ALDH16A1: variants seen among roughly 807,000 people sequenced by gnomAD.
ALDH16A1 encodes the protein aldehyde dehydrogenase family 16 member A1.
ALDH16A1 carries 88 observed loss-of-function variants against 96.1 expected under a neutral mutation model. The observed-to-expected ratio is 0.92, with a 90% CI of 0.77 to 1.09. The LOEUF (loss-of-function observed/expected upper bound fraction) is 1.09. Ranked by LOEUF, ALDH16A1 falls within the 50% of genes least tolerant of loss-of-function variation. The pLI, the probability that ALDH16A1 is intolerant of heterozygous loss-of-function variation, is 0.00. For missense variants in ALDH16A1, 1,250 were observed against 1,112.6 expected, an observed-to-expected ratio of 1.12 and a Z score of -1.76; for synonymous variants, 522 against 496.4, an observed-to-expected ratio of 1.05 and a Z score of -0.69.
In ALDH16A1 at chr19:49,455,926, T is replaced by C. The variant is rs17272840; in HGVS notation, c.90+2505T>C. ...GTGAAATGCTGGACAATTGATTCCA[T>C]GTAAACATCCGGGAGGTCCTCTTGA... On this transcript the variant is annotated intron_variant, in intron 1 of 16. Coordinates refer to ENST00000293350, the MANE Select transcript of ALDH16A1 (RefSeq NM_153329.4). 6.1e-3 allele frequency among the ~76,000 whole-genome samples: 922 copies of C among 152,268 alleles called. 3 individuals carry two copies. Among genetic ancestry groups the C allele is most frequent in the Admixed American group, 0.01 (156 of 15,288 alleles).
chr19:49,455,293 G>A (rs1313716250), intron 1 of ALDH16A1, among the ~76,000 whole-genome samples: 1 of 151,768 alleles, frequency 6.6e-6, no homozygotes. Context: ...GCAGGCACCT[G>A]TAATCCCAGC....
chr19:49,468,141 C>G lies in ALDH16A1; in HGVS notation c.1939-240C>G, dbSNP rs944083730. Among the ~76,000 whole-genome samples the G allele has an allele frequency of 3.6e-5, 5 of 138,784 alleles. No individual in the cohort carries two copies. Among genetic ancestry groups the G allele is most frequent in the Non-Finnish European group, 7.6e-5 (5 of 66,074 alleles). The allele number at this position is 138,784 out of a possible 152,430, so 91.0% of individuals were successfully genotyped here. ...CACCACTGCACTCTAGCCAGGGCGA[C>G]AGAGTGAGAGTCCGTCTCAAAAAAA... On this transcript the variant is annotated intron_variant, in intron 14 of 16. Transcript: ENST00000293350. The surrounding 1 kb of genome is among the most constrained non-coding windows in gnomAD (Gnocchi z 4.4).
In ALDH16A1 at chr19:49,468,623, G is replaced by C. The variant is rs1170707585; in HGVS notation, c.2124+57G>C. ...CCGTAGCCTCAGGGCAGCAGAAAAA[G>C]GCGCCCCAAAGTCGGCAGGAGCTTG... On this transcript the variant is annotated intron_variant, in intron 15 of 16. Transcript: ENST00000293350. The surrounding 1 kb of genome is among the most constrained non-coding windows in gnomAD (Gnocchi z 4.4). 1 of 1,574,632 alleles carries C rather than the reference G, an allele frequency of 6.4e-7. No homozygotes were observed. The highest frequency in any genetic ancestry group is 1.1e-5 in the South Asian group (1 of 88,992).
rs1353924596 is a variant in ALDH16A1, at chr19:49,464,246, G to A, written c.1314G>A (p.Ala438=). 12 of 1,602,306 alleles carry A rather than the reference G, an allele frequency of 7.5e-6. No homozygotes were observed. Among genetic ancestry groups the A allele is most frequent in the African/African-American group, 4.0e-5 (3 of 74,876 alleles). ...ASVWSERLGQ[A]LELGYGLQVG... ...TGTGGAGCGAGAGGCTGGGGCAGGC[G>A]CTGGAGCTGGGCTATGGGTCAGTCT... The change falls in exon 10 of 17, where the codon GCG becomes GCA. Residue 438 remains alanine (A), a synonymous_variant. Coordinates refer to ENST00000293350, the MANE Select transcript of ALDH16A1 (RefSeq NM_153329.4).
chr19:49,467,071 G>A (rs2079205145), intron 14 of ALDH16A1, among the ~76,000 whole-genome samples: 1 of 152,186 alleles, frequency 6.6e-6, no homozygotes, highest in Non-Finnish European at 1.5e-5. Flanking sequence ...CGGCTGGAGT[G>A]CAGTGCCACA....
At position 49,468,091 on chromosome 19, in the gene ALDH16A1, C is replaced by T. The variant is rs376744095; in HGVS notation, c.1939-290C>T. Among the ~76,000 whole-genome samples the T allele has an allele frequency of 1.4e-5, 2 of 147,156 alleles. No homozygotes were observed. Among genetic ancestry groups the T allele is most frequent in the African/African-American group, 2.5e-5 (1 of 39,274 alleles). On this transcript the variant is annotated intron_variant, in intron 14 of 16. Coordinates refer to ENST00000293350, the MANE Select transcript of ALDH16A1 (RefSeq NM_153329.4). The surrounding 1 kb of genome is among the most constrained non-coding windows in gnomAD (Gnocchi z 4.4). ...AGGAGAATGGCGTGAACCCGGGAGG[C>T]GGAGGTTGCAGTGAGCCAAGATCGC... is the stretch of plus-strand genomic sequence containing the variant.
At chr19:49,469,079 C>A in intron 16 of ALDH16A1, 93 bp downstream of exon 16, 1 of 1,498,434 alleles carries the variant, frequency 6.7e-7, no homozygotes, top group Non-Finnish European at 8.9e-7. Flanking sequence ...CTTAGAACTC[C>A]TGTTGGTAAG....
chr19:49,467,998 C>CAA (rs879290872), intron 14 of ALDH16A1, among the ~76,000 whole-genome samples: 1 of 140,272 alleles, frequency 7.1e-6, no homozygotes, highest in South Asian at 2.3e-4. Context: ...ACTAAATATA[C>CAA]AAAAAAAAAA....
At chr19:49,458,674 G>C in intron 2 of ALDH16A1, 86 bp downstream of exon 2, 1 of 1,395,590 alleles carries the variant, frequency 7.2e-7, no homozygotes, top group East Asian at 2.5e-5. Flanking sequence ...CCTTGCCTAG[G>C]GCCCTGAGGG....
At position 49,453,361 on chromosome 19, in the gene ALDH16A1, C is replaced by T. The variant is rs1245798918; in HGVS notation, c.30C>T (p.Ala10=). The T allele has an allele frequency of 3.8e-6, 6 of 1,572,130 alleles. No individual in the cohort carries two copies. Among genetic ancestry groups the T allele is most frequent in the Non-Finnish European group, 4.3e-6 (5 of 1,161,734 alleles). The change falls in exon 1 of 17, where the codon GCC becomes GCT. Residue 10 remains alanine (A), a synonymous_variant. Coordinates refer to ENST00000293350, the MANE Select transcript of ALDH16A1 (RefSeq NM_153329.4). ...CTGCGACGCGTGCAGGGCCCCGCGC[C>T]CGCGAGATCTTCACCTCGCTGGAGT... MAATRAGPR[A]REIFTSLEYG... is the part of the protein sequence containing the mutation.
At position 49,460,813 on chromosome 19, in the gene ALDH16A1, T is replaced by C. The variant is rs765635626; in HGVS notation, c.500-9T>C. On this transcript the variant is annotated splice_polypyrimidine_tract_variant and intron_variant, in intron 4 of 16. Transcript: ENST00000293350. The stretch of plus-strand genomic sequence containing the variant: ...CAAGGGATCCTCTTGCCTCATTTTT[T>C]TCTTGCAGGAGTAATTGGCCTCATC... 13 of 1,612,974 alleles carry C rather than the reference T, an allele frequency of 8.1e-6. 1 individual carries two copies. In the South Asian group the frequency reaches 1.4e-4, roughly 18 times the overall value.
In ALDH16A1 at chr19:49,464,202, C is replaced by T. The variant is rs537993303; in HGVS notation, c.1270C>T (p.Arg424Cys). The T allele has an allele frequency of 3.4e-5, 54 of 1,606,276 alleles. 1 individual carries two copies. The highest frequency in any genetic ancestry group is 3.3e-4 in the Middle Eastern group (2 of 6,050). ...ACTGTTGGTGGCCAACGGGACGCCC[C>T]GCGGGGGCAGCGCCAGTGTGTGGAG... ...EALLVANGTP[R>C]GGSASVWSER... Residue 424 changes from arginine (R) to cysteine (C), a missense_variant, in exon 10 of 17, where the codon CGC becomes TGC. Arg to Cys is a radical substitution (Grantham distance 180). Coordinates refer to ENST00000293350, the MANE Select transcript of ALDH16A1 (RefSeq NM_153329.4).
At chr19:49,470,120 T>C (rs1601047584) in intron 16 of ALDH16A1, 186 bp from the exon 17 acceptor site, 1 of 669,686 alleles carries the variant, frequency 1.5e-6, no homozygotes, top group East Asian at 3.0e-5. Flanking sequence ...GGAAATTCCC[T>C]AACCACTGGG....
In ALDH16A1 at chr19:49,467,134, C is replaced by G. The variant is rs113693638; in HGVS notation, c.1938+851C>G. ...CGAGGTCCAAGTGAGCCCCCCACCT[C>G]AGCCTCCTGAGTATCTGGGATCACA... On this transcript the variant is annotated intron_variant, in intron 14 of 16. Coordinates refer to ENST00000293350, the MANE Select transcript of ALDH16A1 (RefSeq NM_153329.4). Among the ~76,000 whole-genome samples the G allele has an allele frequency of 5.9e-5, 9 of 152,346 alleles. 1 individual carries two copies. The highest frequency in any genetic ancestry group is 2.2e-4 in the African/African-American group (9 of 41,586).
chr19:49,461,635 C>T lies in ALDH16A1; in HGVS notation c.594C>T (p.Ala198=). The stretch of plus-strand genomic sequence containing the variant: ...CTTCCCCAGGCTGCACCGTGGTGGC[C>T]CTCGTGCCCCCGGCCTCCCCGGCGC... ...PALAVGCTVV[A]LVPPASPAPL... The change falls in exon 6 of 17, where the codon GCC becomes GCT. Residue 198 remains alanine, a synonymous_variant. Coordinates refer to ENST00000293350, the MANE Select transcript of ALDH16A1 (RefSeq NM_153329.4). 3 of 1,594,640 alleles carry T rather than the reference C, an allele frequency of 1.9e-6. No individual in the cohort carries two copies. Among genetic ancestry groups the T allele is most frequent in the Non-Finnish European group, 1.7e-6 (2 of 1,171,428 alleles).
At position 49,461,685 on chromosome 19, in the gene ALDH16A1, G is replaced by C; in HGVS notation, c.644G>C (p.Gly215Ala). 2.5e-6 allele frequency: 4 copies of C among 1,607,990 alleles called. No homozygotes were observed. Among genetic ancestry groups the C allele is most frequent in the Non-Finnish European group, 3.4e-6 (4 of 1,177,384 alleles). The change falls in exon 6 of 17, where the codon GGG becomes GCG. Residue 215 changes from glycine to alanine, a missense_variant. Gly to Ala is a moderately conservative substitution (Grantham distance 60, BLOSUM62 0). Coordinates refer to ENST00000293350, the MANE Select transcript of ALDH16A1 (RefSeq NM_153329.4). ...PAPLLLAQLA[G>A]ELGPFPGILN... ...CCCCTCCTCCTGGCCCAGCTGGCGG[G>C]GGAGCTGGGCCCCTTCCCGGGAATC...
In ALDH16A1 at chr19:49,458,480, C is replaced by T; in HGVS notation, c.91-6C>T. 1 of 1,556,292 alleles carries T rather than the reference C, an allele frequency of 6.4e-7. No homozygotes were observed. The highest frequency in any genetic ancestry group is 8.7e-7 in the Non-Finnish European group (1 of 1,148,860). ...CCCCTTTCCAAACTGTCTCTACCTC[C>T]CCCAGGCCTGGCTGGACACCCAGGA... On this transcript the variant is annotated splice_polypyrimidine_tract_variant and splice_region_variant and intron_variant, in intron 1 of 16. Transcript: ENST00000293350.
chr19:49,465,980 C>G, intron 13 of ALDH16A1, 75 bp downstream of exon 13: 2 of 1,550,734 alleles, frequency 1.3e-6, no homozygotes, highest in East Asian at 2.4e-5. Context: ...AATTGGTGGA[C>G]TGGGAGGCTG....
Position 49,468,113 on chromosome 19 carries a change from T to C in ALDH16A1, c.1939-268T>C, listed in dbSNP as rs542462651. On this transcript the variant is annotated intron_variant, in intron 14 of 16. Transcript: ENST00000293350. The surrounding 1 kb of genome is among the most constrained non-coding windows in gnomAD (Gnocchi z 4.4). ...AGGCGGAGGTTGCAGTGAGCCAAGA[T>C]CGCACCACTGCACTCTAGCCAGGGC... Among the ~76,000 whole-genome samples the C allele has an allele frequency of 7.6e-5, 11 of 145,468 alleles. No individual in the cohort carries two copies. The highest frequency in any genetic ancestry group is 2.6e-4 in the African/African-American group (10 of 38,714).
Sources: allele counts gnomAD v4.1 joint callset (sites outside exome capture counted in the v4.1 genomes callset), GRCh38; gene constraint gnomAD v4.1.1; non-coding constraint Gnocchi (gnomAD v3.1); transcripts MANE v1.5; gene names NCBI Gene and HGNC (gene_info 2026-07-23, HGNC 2026-07-21).